Variants in DNHD1 observed in about 807,000 individuals in gnomAD.
The protein encoded by DNHD1 is dynein heavy chain domain-containing protein 1.
Under a neutral mutation model 458.1 loss-of-function variants are expected in DNHD1, and 383 were observed. The observed-to-expected ratio is 0.84, with a 90% CI of 0.77 to 0.91. The LOEUF (loss-of-function observed/expected upper bound fraction) is 0.91, where lower values mean the gene tolerates loss of function less well. Among genes scored for constraint, DNHD1 ranks in the 40% least tolerant of loss-of-function variants. DNHD1 has a pLI of 0.00. For missense variants in DNHD1, 5,336 were observed against 5,866.1 expected (o/e 0.91, Z 2.95); for synonymous variants, 2,203 against 2,376.9 (o/e 0.93, Z 2.13).
In DNHD1 at chr11:6,544,574, G is replaced by C. The variant is rs989412261; in HGVS notation, c.3755G>C (p.Gly1252Ala). The C allele has an allele frequency of 2.6e-6, 4 of 1,551,104 alleles. No homozygotes were observed. In the Admixed American group the frequency reaches 5.9e-5, roughly 23 times the overall value. Residue 1252 changes from glycine (G) to alanine (A), a missense_variant and splice_region_variant, in exon 20 of 43, where the codon GGT becomes GCT. Physicochemically the swap from Gly to Ala is moderately conservative, Grantham distance 60 (BLOSUM62 0). This residue lies in a region of DNHD1 where 3,932 missense variants were observed against 4,365.6 expected (regional missense o/e 0.90). Transcript: ENST00000254579. ...LEWVAIMHGL[G>A]ALLEVWLTFQ... ...AGCATTCCTCTGGCTGCTTACACAGGTGCCCTGCTGGAGGTGTGGCTGACT... is the reference window on the plus strand; with the variant it reads ...AGCATTCCTCTGGCTGCTTACACAGCTGCCCTGCTGGAGGTGTGGCTGACT...
Position 6,544,911 on chromosome 11 carries a change from C to T in DNHD1, c.3972C>T (p.Gly1324=), listed in dbSNP as rs1853174013. ...CCGAGAGGAGCCCTTACTTCCAAGG[C>T]CAGCAGCTGCAACAACTGCTGCAAG... is the stretch of plus-strand genomic sequence containing the variant. ...PSAERSPYFQ[G]QQLQQLLQAG... is the part of the protein sequence containing the mutation. Residue 1324 remains glycine (G), a synonymous_variant, in exon 21 of 43, where the codon GGC becomes GGT. Transcript: ENST00000254579. The T allele has an allele frequency of 1.3e-6, 2 of 1,551,586 alleles. No homozygotes were observed. The highest frequency in any genetic ancestry group is 2.4e-5 in the South Asian group (2 of 84,060).
In DNHD1 at chr11:6,566,936, T is replaced by C. The variant is rs1397438780; in HGVS notation, c.11427T>C (p.Arg3809=). 1.2e-6 allele frequency: 2 copies of C among 1,613,740 alleles called. No homozygotes were observed. The highest frequency in any genetic ancestry group is 1.7e-6 in the Non-Finnish European group (2 of 1,179,780). ...LTMLLFQNPK[R]QKPAKFLRNI... ...TGCTGCTGTTCCAGAATCCGAAGCG[T>C]CAGAAGCCAGCCAAGTTTCTGCGGA... Residue 3809 remains arginine, a synonymous_variant, in exon 36 of 43, where the codon CGT becomes CGC. Coordinates refer to ENST00000254579, the MANE Select transcript of DNHD1 (RefSeq NM_144666.3).
At position 6,567,256 on chromosome 11, in the gene DNHD1, G is replaced by A. The variant is rs547994952; in HGVS notation, c.11747G>A (p.Arg3916His). 2.0e-5 allele frequency: 32 copies of A among 1,613,970 alleles called. No homozygotes were observed. Among genetic ancestry groups the A allele is most frequent in the East Asian group, 8.9e-5 (4 of 44,874 alleles). ...HLLQLRAHLT[R>H]QLLGSTVTAL... The stretch of plus-strand genomic sequence containing the variant: ...CTGCAATTGAGAGCACACCTGACCC[G>A]CCAGCTGCTGGGCAGCACCGTGACT... Residue 3916 changes from arginine (R) to histidine (H), a missense_variant, in exon 36 of 43, where the codon CGC becomes CAC. This residue lies in a region of DNHD1 where 695 missense variants were observed against 804.2 expected (regional missense o/e 0.86). Transcript: ENST00000254579.
At position 6,528,785 on chromosome 11, in the gene DNHD1, G is replaced by A; in HGVS notation, c.2101G>A (p.Glu701Lys). The A allele has an allele frequency of 2.6e-6, 4 of 1,551,532 alleles. No individual in the cohort carries two copies. The highest frequency in any genetic ancestry group is 3.5e-6 in the Non-Finnish European group (4 of 1,146,858). Residue 701 changes from glutamate to lysine, a missense_variant and splice_region_variant, in exon 11 of 43, where the codon GAG becomes AAG. Physicochemically the swap from Glu to Lys is moderately conservative, Grantham distance 56 (BLOSUM62 1). Coordinates refer to ENST00000254579, the MANE Select transcript of DNHD1 (RefSeq NM_144666.3). Reference protein sequence around the residue: ...QALNIQQVLLEGVLCKVQEFC... With the variant: ...QALNIQQVLLKGVLCKVQEFC... ...ACTGAATATACAACAGGTGCTGCTG[G>A]AGGTGAGAACAGTGGTTTAAGGGAT... is the stretch of plus-strand genomic sequence containing the variant.
chr11:6,515,397 A>T (rs940171877), intron 7 of DNHD1, among the ~76,000 whole-genome samples: 1 of 152,182 alleles, frequency 6.6e-6, no homozygotes, highest in African/African-American at 2.4e-5. Flanking sequence ...TCAGGATCCA[A>T]ACCAGAATTA....
chr11:6,566,034 C>G (rs956072575), intron 33 of DNHD1, 43 bp downstream of exon 33: 1 of 1,134,718 alleles, frequency 8.8e-7, no homozygotes, highest in Admixed American at 2.3e-5. Flanking sequence ...TTTTGACTTG[C>G]CCCATTCTGT....
intron 18 of DNHD1, among the ~76,000 whole-genome samples, chr11:6,540,579 CA>C (rs765527406): frequency 1.3e-4 from 20 of 152,160 alleles, no homozygotes; most frequent in Non-Finnish European, 2.4e-4. Context: ...TAGGGATAAA[CA>C]CAATGGAGCA....
chr11:6,563,635 T>G (rs1271993889), intron 30 of DNHD1, 58 bp from the exon 31 acceptor site: 9 of 1,545,526 alleles, frequency 5.8e-6, no homozygotes, highest in Non-Finnish European at 7.9e-6. Context: ...GCTAAACTGT[T>G]GGGTCAAGGT....
At chr11:6,560,449 C>A (rs1274853561) in intron 28 of DNHD1, among the ~76,000 whole-genome samples, 1 of 152,196 alleles carries the variant, frequency 6.6e-6, no homozygotes, top group African/African-American at 2.4e-5. Context: ...TTAGATTAGA[C>A]CTCAAGACTC....
At position 6,567,728 on chromosome 11, in the gene DNHD1, T is replaced by C; in HGVS notation, c.12219T>C (p.Tyr4073=). 1 of 1,613,914 alleles carries C rather than the reference T, an allele frequency of 6.2e-7. No individual in the cohort carries two copies. Among genetic ancestry groups the C allele is most frequent in the Non-Finnish European group, 8.5e-7 (1 of 1,179,898 alleles). ...GTCGGCCCCTGGATGAAAACACGTA[T>C]GCTCCCACCATGCCCTTTAAACATA... ...LLGRPLDENT[Y]APTMPFKHSQ... The change falls in exon 36 of 43, where the codon TAT becomes TAC. Residue 4073 remains tyrosine (Y), a synonymous_variant. Transcript: ENST00000254579.
chr11:6,503,606 C>T (rs1214394519), intron 4 of DNHD1: 1 of 152,372 alleles, frequency 6.6e-6, no homozygotes, highest in Non-Finnish European at 1.5e-5. Context: ...ACTTCAGCCT[C>T]CTGAGTAGCT....
In DNHD1 at chr11:6,563,719, G is replaced by A; in HGVS notation, c.9879G>A (p.Lys3293=). The stretch of plus-strand genomic sequence containing the variant: ...AGCTGGTGTTCTTCCCCAAGGAGAA[G>A]ATAACAGACTCAGAGCTGATAAAGT... ...YQELVFFPKE[K]ITDSELIKLH... Residue 3293 remains lysine (K), a synonymous_variant, in exon 31 of 43, where the codon AAG becomes AAA. Coordinates refer to ENST00000254579, the MANE Select transcript of DNHD1 (RefSeq NM_144666.3). The A allele has an allele frequency of 1.3e-6, 2 of 1,547,472 alleles. No individual in the cohort carries two copies. The highest frequency in any genetic ancestry group is 1.7e-6 in the Non-Finnish European group (2 of 1,144,742).
chr11:6,506,742 A>G (rs957065031), intron 4 of DNHD1, among the ~76,000 whole-genome samples: 30 of 152,114 alleles, frequency 2.0e-4, no homozygotes, highest in African/African-American at 6.0e-4. Flanking sequence ...GGCACCGCCA[A>G]TCTCCCTTTG....
At position 6,538,794 on chromosome 11, in the gene DNHD1, C is replaced by A; in HGVS notation, c.3309C>A (p.Cys1103Ter). ...GCCTCCACCCACAGAGCCTCAACTG[C>A]CAGTGTCTCCTGCGTGGTATGTTTG... ...LGSLHPQSLN[C>*]QCLLRALGLG... The change falls in exon 16 of 43, where the codon TGC becomes TGA. Residue 1103 changes from cysteine to a stop codon, truncating the protein, a stop_gained. Coordinates refer to ENST00000254579, the MANE Select transcript of DNHD1 (RefSeq NM_144666.3). LOFTEE classifies it high-confidence loss of function. 6.6e-7 allele frequency: 1 copy of A among 1,521,950 alleles called. No homozygotes were observed. The highest frequency in any genetic ancestry group is 1.3e-5 in the South Asian group (1 of 79,522). 94.3% of individuals were successfully genotyped at this position (1,521,950 alleles called of 1,614,324 possible). A position where few individuals can be genotyped will look rare whatever the true frequency, so the allele number is the denominator to read the frequency against.
chr11:6,546,316 C>T lies in DNHD1; in HGVS notation c.5377C>T (p.His1793Tyr), dbSNP rs1589885608. 2.6e-6 allele frequency: 4 copies of T among 1,552,414 alleles called. No individual in the cohort carries two copies. Among genetic ancestry groups the T allele is most frequent in the Non-Finnish European group, 3.5e-6 (4 of 1,147,152 alleles). Residue 1793 changes from histidine (H) to tyrosine (Y), a missense_variant, in exon 21 of 43, where the codon CAT (histidine) becomes TAT (tyrosine). Around this residue, in one of 4 missense-constraint regions of DNHD1, gnomAD observed 3,932 missense variants for 4,365.6 expected, o/e 0.90. Transcript: ENST00000254579. ...CCTTGGCAGTAGCTTCTTTGAAAAA[C>T]ATCACGTGTCTGTGCGCCTTGGCTA... is the stretch of plus-strand genomic sequence containing the variant. ...QLLGSSFFEK[H>Y]HVSVRLGYGC...
chr11:6,570,077 G>A lies in DNHD1; in HGVS notation c.12932G>A (p.Arg4311His), dbSNP rs778125598. Reference protein sequence around the residue: ...DQLWASLSNPRAAMQELAASV... With the variant: ...DQLWASLSNPHAAMQELAASV... ...CTGTGGGCAAGTCTTAGCAATCCCC[G>A]TGCTGCCATGCAAGAGCTGGCTGGT... is the stretch of plus-strand genomic sequence containing the variant. The change falls in exon 40 of 43, where the codon CGT (arginine) becomes CAT (histidine). Residue 4311 changes from arginine (R) to histidine (H), a missense_variant. Physicochemically the swap from Arg to His is conservative, Grantham distance 29. Around this residue, in one of 4 missense-constraint regions of DNHD1, gnomAD observed 698 missense variants for 664.9 expected, o/e 1.05. Transcript: ENST00000254579. The A allele has an allele frequency of 7.4e-6, 12 of 1,613,938 alleles. No individual in the cohort carries two copies. The highest frequency in any genetic ancestry group is 1.7e-5 in the Admixed American group (1 of 60,024).
intron 10 of DNHD1, among the ~76,000 whole-genome samples, chr11:6,524,325 C>A (rs560707513): frequency 3.9e-5 from 6 of 152,092 alleles, no homozygotes; most frequent in African/African-American, 9.7e-5. Flanking sequence ...AGGAAGAGAA[C>A]CCCTGTCTCT....
intron 24 of DNHD1, among the ~76,000 whole-genome samples, chr11:6,549,667 G>GCT (rs1401578673): frequency 6.6e-6 from 1 of 152,194 alleles, no homozygotes; most frequent in Non-Finnish European, 1.5e-5. Context: ...TCCATCCTGT[G>GCT]CTCTGTACAA....
At chr11:6,539,346 G>A in intron 17 of DNHD1, 33 bp downstream of exon 17, 1 of 1,481,222 alleles carries the variant, frequency 6.8e-7, no homozygotes, top group Non-Finnish European at 9.2e-7. Context: ...GAGGGAGGTG[G>A]TCCAAAGCCA....
Sources: allele counts gnomAD v4.1 joint callset (sites outside exome capture counted in the v4.1 genomes callset), GRCh38; gene constraint gnomAD v4.1.1; regional missense constraint gnomAD v4.1.1; transcripts MANE v1.5; gene names NCBI Gene and HGNC (gene_info 2026-07-23, HGNC 2026-07-21).